Variants in CDH23 observed in about 807,000 individuals in gnomAD.
CDH23 encodes cadherin-23.
A neutral mutation model predicts 317.1 loss-of-function variants in CDH23; 189 were observed. The observed-to-expected ratio is 0.60, with a 90% CI of 0.53 to 0.67. CDH23 has a LOEUF of 0.67. Among genes scored for constraint, CDH23 ranks in the 30% least tolerant of loss-of-function variants. The pLI, the probability that CDH23 is intolerant of heterozygous loss-of-function variation, is 0.00. For missense variants in CDH23, 4,401 were observed against 4,592.4 expected (o/e 0.96, Z 1.20); for synonymous variants, 1,839 against 1,876.8 (o/e 0.98, Z 0.52).
intron 36 of CDH23, 51 bp from the exon 37 acceptor site, chr10:71,740,771 A>C (rs750105052): frequency 6.2e-5 from 100 of 1,610,592 alleles, no homozygotes; most frequent in Non-Finnish European, 8.0e-5. Context: ...CATATTCCCA[A>C]TCCTGCCCGC....
chr10:71,698,880 C>T (rs1865487134), intron 22 of CDH23, among the ~76,000 whole-genome samples: 1 of 152,196 alleles, frequency 6.6e-6, no homozygotes, highest in Non-Finnish European at 1.5e-5. Context: ...TGCCCAAGTT[C>T]TCACTCTAGC....
intron 20 of CDH23, among the ~76,000 whole-genome samples, chr10:71,693,853 C>A (rs1008545282): frequency 6.6e-6 from 1 of 152,180 alleles, no homozygotes. Flanking sequence ...GCCCTGTTCT[C>A]CAGCCCCTAA....
In CDH23 at chr10:71,798,560, C is replaced by T. The variant is rs760192024; in HGVS notation, c.7036C>T (p.Leu2346=). 1 of 1,611,398 alleles carries T rather than the reference C, an allele frequency of 6.2e-7. No homozygotes were observed. The highest frequency in any genetic ancestry group is 8.5e-7 in the Non-Finnish European group (1 of 1,178,394). ...CCTGGTGCCCCCAGGGTATGTCCAG[C>T]TGGAGGACTCCTCGGCAGGTAGGTT... ...LDLVPPGYVQ[L]EDSSAGKVIA... Residue 2346 remains leucine, a synonymous_variant, in exon 50 of 70, where the codon CTG becomes TTG. Transcript: ENST00000224721.
intron 41 of CDH23, among the ~76,000 whole-genome samples, chr10:71,781,180 A>G (rs1840943685): frequency 6.6e-6 from 1 of 152,218 alleles, no homozygotes; most frequent in Non-Finnish European, 1.5e-5. Context: ...AAGATTCAAC[A>G]GTGAACCCAA....
At chr10:71,576,317 C>T (rs1276943132) in intron 8 of CDH23, among the ~76,000 whole-genome samples, 1 of 152,168 alleles carries the variant, frequency 6.6e-6, no homozygotes, top group Non-Finnish European at 1.5e-5. Flanking sequence ...GCCCAGTTAT[C>T]CTAGCAAGCC....
intron 28 of CDH23, among the ~76,000 whole-genome samples, chr10:71,720,047 CCT>C (rs772187270): frequency 5.9e-5 from 9 of 152,210 alleles, no homozygotes; most frequent in Non-Finnish European, 1.3e-4. Flanking sequence ...CTCACCTTCC[CCT>C]GTCGGAAGTT....
At chr10:71,725,988 TA>T (rs1207613664) in intron 30 of CDH23, among the ~76,000 whole-genome samples, 1 of 152,180 alleles carries the variant, frequency 6.6e-6, no homozygotes, top group African/African-American at 2.4e-5. Context: ...GACCCTAATA[TA>T]TTCCAGTCAC....
rs768199443 is a variant in CDH23 at position 71,815,279 on chromosome 10, C to G, written c.*1C>G. The stretch of plus-strand genomic sequence containing the variant: ...CCCCCTGGAGATCACAGAGCTGTGA[C>G]TAGACAGGGAAGCCTTGTGGGTGTG... On this transcript the variant is annotated 3_prime_UTR_variant, in exon 70 of 70. Coordinates refer to ENST00000224721, the MANE Select transcript of CDH23 (RefSeq NM_022124.6). 8 of 1,556,250 alleles carry G rather than the reference C, an allele frequency of 5.1e-6. No homozygotes were observed. The Admixed American group carries it at 1.2e-4, about 24-fold the overall frequency.
chr10:71,785,063 C>G lies in CDH23; in HGVS notation c.5675C>G (p.Ala1892Gly), dbSNP rs370004432. 1.9e-6 allele frequency: 3 copies of G among 1,614,062 alleles called. No individual in the cohort carries two copies. The highest frequency in any genetic ancestry group is 1.6e-4 in the Middle Eastern group (1 of 6,062). ...CNARLTFNIT[A>G]GNRERAFFIN... Reference sequence around the variant, plus strand: ...GCACGCCTCACCTTCAACATCACTGCGGGCAACCGCGAGCGGGCCTTCTTC... The same window carrying G: ...GCACGCCTCACCTTCAACATCACTGGGGGCAACCGCGAGCGGGCCTTCTTC... Residue 1892 changes from alanine (A) to glycine (G), a missense_variant, in exon 43 of 70, where the codon GCG (alanine) becomes GGG (glycine). Physicochemically the swap from Ala to Gly is moderately conservative, Grantham distance 60 (BLOSUM62 0). This residue lies in a region of CDH23 where 3,068 missense variants were observed against 3,203.3 expected (regional missense o/e 0.96). Transcript: ENST00000224721.
At chr10:71,695,652 T>C in intron 22 of CDH23, 127 bp downstream of exon 22, 1 of 668,394 alleles carries the variant, frequency 1.5e-6, no homozygotes, top group Non-Finnish European at 2.6e-6. Flanking sequence ...GAGCTGGCTC[T>C]TGCAATAGAG....
At chr10:71,608,385 G>A (rs1171006812) in intron 9 of CDH23, among the ~76,000 whole-genome samples, 1 of 152,184 alleles carries the variant, frequency 6.6e-6, no homozygotes, top group Non-Finnish European at 1.5e-5. Flanking sequence ...ATCTCATCCA[G>A]CCTCCTGCCT....
chr10:71,588,220 T>C (rs1254522491), intron 9 of CDH23, among the ~76,000 whole-genome samples: 1 of 152,164 alleles, frequency 6.6e-6, no homozygotes, highest in Admixed American at 6.5e-5. Context: ...TGCACCTACG[T>C]TTCTATCAGC....
At chr10:71,559,673 A>G (rs1857030628) in intron 6 of CDH23, among the ~76,000 whole-genome samples, 1 of 152,240 alleles carries the variant, frequency 6.6e-6, no homozygotes, top group African/African-American at 2.4e-5. Flanking sequence ...TGGGGAGACC[A>G]GCTTAGGCCC....
intron 54 of CDH23, 58 bp downstream of exon 54, chr10:71,803,133 C>T: frequency 1.3e-6 from 2 of 1,599,538 alleles, no homozygotes; most frequent in Non-Finnish European, 1.7e-6. Flanking sequence ...GGGAGGCCTG[C>T]CAGCCCAGGC....
chr10:71,703,848 A>C (rs1242923388), intron 24 of CDH23, among the ~76,000 whole-genome samples: 1 of 152,164 alleles, frequency 6.6e-6, no homozygotes, highest in East Asian at 1.9e-4. Flanking sequence ...CAACCCCCAA[A>C]CCCTGTTCTC....
Position 71,811,265 on chromosome 10 carries a change from G to C in CDH23, c.9078-50G>C, listed in dbSNP as rs139221646. The C allele has an allele frequency of 1.4e-3, 2,277 of 1,613,112 alleles. 52 individuals carry two copies. In the East Asian group the frequency reaches 0.045, roughly 32 times the overall value. ...GGCAGGAGCAGAGCAGACTGTCGGT[G>C]GTGGGGGAATGGCTGAGGAGGAGAG... is the stretch of plus-strand genomic sequence containing the variant. On this transcript the variant is annotated intron_variant, in intron 62 of 69. Transcript: ENST00000224721.
intron 9 of CDH23, among the ~76,000 whole-genome samples, 194 bp from the exon 10 acceptor site, chr10:71,615,310 G>A (rs1442680992): frequency 1.3e-5 from 2 of 152,194 alleles, no homozygotes; most frequent in Non-Finnish European, 1.5e-5. Flanking sequence ...TCTGGGACCC[G>A]TTGCTGTCTG....
rs748197182 is a variant in CDH23, at chr10:71,812,890, G to A, written c.9633G>A (p.Lys3211=). The A allele has an allele frequency of 6.2e-7, 1 of 1,613,342 alleles. No individual in the cohort carries two copies. The highest frequency in any genetic ancestry group is 1.1e-5 in the South Asian group (1 of 90,878). The change falls in exon 68 of 70, where the codon AAG becomes AAA. Residue 3211 remains lysine, a splice_region_variant and synonymous_variant. Transcript: ENST00000224721. ...LGQIIREGPI[K]GSLLKVVLED... Reference sequence around the variant, plus strand: ...AGATCATTCGTGAGGGGCCAATCAAGGTGAGCCTTCCCTGCAGGCTCCGCG... The same window carrying A: ...AGATCATTCGTGAGGGGCCAATCAAAGTGAGCCTTCCCTGCAGGCTCCGCG...
intron 3 of CDH23, among the ~76,000 whole-genome samples, chr10:71,485,023 CTTTTTTT>C (rs56153129): frequency 2.6e-4 from 29 of 110,140 alleles, no homozygotes; most frequent in African/African-American, 9.0e-4. Context: ...TTTCTTTTTT[CTTTTTTT>C]TTTTTTTTTT....
Sources: gnomAD v4.1 joint callset for allele counts (sites outside exome capture counted in the v4.1 genomes callset) on GRCh38, gnomAD v4.1.1 for gene constraint, gnomAD v4.1.1 regional missense constraint, MANE v1.5 for transcripts, NCBI Gene and HGNC (gene_info 2026-07-23, HGNC 2026-07-21) for gene names.